Variants in MCCC1 observed in about 807,000 individuals in gnomAD.
MCCC1 encodes the protein methylcrotonoyl-CoA carboxylase subunit alpha, mitochondrial.
A neutral mutation model predicts 83.8 loss-of-function variants in MCCC1; 64 were observed. The ratio of observed to expected loss-of-function variants is 0.76; its 90% CI spans 0.62 to 0.94. MCCC1 has a LOEUF of 0.94. Ranked by LOEUF, MCCC1 falls within the 40% of genes least tolerant of loss-of-function variation. The pLI is 0.00. For synonymous variants in MCCC1, 322 were observed against 315.4 expected (o/e 1.02, Z -0.22); for missense variants, 807 against 904.7 (o/e 0.89, Z 1.39).
At chr3:183,097,448 A>G (rs1718824079) in intron 1 of MCCC1, among the ~76,000 whole-genome samples, 1 of 152,214 alleles carries the variant, frequency 6.6e-6, no homozygotes, top group Non-Finnish European at 1.5e-5. Flanking sequence ...GATGGAGTAC[A>G]GTGGTGTGAT....
rs376355395 is a variant in MCCC1 at position 183,052,583 on chromosome 3, C to T, written c.874-343G>A. ...CAGCACTTTGGGAGGCTGAGGCGGG[C>T]GGATCACAAGGTCAGGAGATTGAGA... On this transcript the variant is annotated intron_variant, in intron 8 of 18. Coordinates refer to ENST00000265594, the MANE Select transcript of MCCC1 (RefSeq NM_020166.5). Among the ~76,000 whole-genome samples the T allele has an allele frequency of 1.6e-4, 24 of 151,920 alleles. 1 individual carries two copies. The highest frequency in any genetic ancestry group is 1.2e-3 in the East Asian group (6 of 5,158).
chr3:183,092,643 A>G (rs1718451318), intron 2 of MCCC1, 98 bp from the exon 3 acceptor site: 2 of 1,507,648 alleles, frequency 1.3e-6, no homozygotes, highest in South Asian at 1.2e-5. Context: ...GACTCGACTG[A>G]TAAGTTCAAG....
At chr3:183,044,313 T>C (rs1379315289) in intron 10 of MCCC1, among the ~76,000 whole-genome samples, 1 of 152,206 alleles carries the variant, frequency 6.6e-6, no homozygotes, top group Non-Finnish European at 1.5e-5. Context: ...TAAGCTATTA[T>C]TAATATTTGA....
At chr3:183,060,096 C>A (rs1012972560) in intron 7 of MCCC1, among the ~76,000 whole-genome samples, 5 of 152,198 alleles carry the variant, frequency 3.3e-5, no homozygotes, top group Admixed American at 2.6e-4. Context: ...TTGTGGTATT[C>A]AAATAACGTG....
chr3:183,079,101 GGA>G (rs1717297656), intron 4 of MCCC1, among the ~76,000 whole-genome samples: 1 of 152,066 alleles, frequency 6.6e-6, no homozygotes, highest in Non-Finnish European at 1.5e-5. Context: ...ATTTGGGTGG[GGA>G]CACAGAACCA....
intron 2 of MCCC1, 31 bp from the exon 3 acceptor site, chr3:183,092,576 A>T: frequency 6.2e-7 from 1 of 1,613,718 alleles, no homozygotes; most frequent in Non-Finnish European, 8.5e-7. Flanking sequence ...ATCACACAGA[A>T]ATGTTACTGG....
At position 183,072,414 on chromosome 3, in the gene MCCC1, A is replaced by C; in HGVS notation, c.443T>G (p.Ile148Ser). The C allele has an allele frequency of 6.2e-7, 1 of 1,614,006 alleles. No individual in the cohort carries two copies. Among genetic ancestry groups the C allele is most frequent in the Middle Eastern group, 1.6e-4 (1 of 6,062 alleles). Residue 148 changes from isoleucine (I) to serine (S), a missense_variant, in exon 5 of 19, where the codon ATT (isoleucine) becomes AGT (serine). By Grantham distance (142) the Ile-to-Ser change is moderately radical (BLOSUM62 -2). Coordinates refer to ENST00000265594, the MANE Select transcript of MCCC1 (RefSeq NM_020166.5). ...FAELCKQEGI[I>S]FIGPPPSAIR... The stretch of plus-strand genomic sequence containing the variant: ...TGCAGATGGAGGAGGGCCTATAAAA[A>C]TAATTCCTTCTTGCTTACAAAGTTC...
upstream of MCCC1, among the ~76,000 whole-genome samples, chr3:183,102,896 C>T (rs1719340449): frequency 6.8e-6 from 1 of 146,424 alleles, no homozygotes; most frequent in South Asian, 2.2e-4. Flanking sequence ...AAATGATTCT[C>T]ATGGCTCAGC....
At chr3:183,035,486 A>C (rs946766906) in intron 13 of MCCC1, among the ~76,000 whole-genome samples, 13 of 150,590 alleles carry the variant, frequency 8.6e-5, no homozygotes, top group African/African-American at 2.7e-4. Flanking sequence ...TTGGGACCAG[A>C]AGTGTTTTGA....
At position 183,055,433 on chromosome 3, in the gene MCCC1, T is replaced by C. The variant is rs190535943; in HGVS notation, c.873+1878A>G. Among the ~76,000 whole-genome samples the C allele has an allele frequency of 1.3e-3, 194 of 151,862 alleles. 2 individuals carry two copies. Among genetic ancestry groups the C allele is most frequent in the Non-Finnish European group, 4.0e-4 (27 of 67,912 alleles). On this transcript the variant is annotated intron_variant, in intron 8 of 18. Transcript: ENST00000265594. ...TCAAAAAAAAAGGATAAAAAGCTAA[T>C]ATTATATACTTCATCAAAAACTGTC...
chr3:183,046,188 T>C (rs183093118), intron 9 of MCCC1, among the ~76,000 whole-genome samples: 3 of 152,328 alleles, frequency 2.0e-5, no homozygotes, highest in Admixed American at 1.3e-4. Context: ...GTTCCCTTGT[T>C]CCCATTTGGA....
intron 14 of MCCC1, among the ~76,000 whole-genome samples, chr3:183,031,830 T>A (rs986764271): frequency 6.0e-5 from 9 of 150,600 alleles, no homozygotes; most frequent in South Asian, 4.2e-4. Flanking sequence ...TTTTCCTTTT[T>A]AAAAATTTTT....
At position 183,015,570 on chromosome 3, in the gene MCCC1, CAG is replaced by C. The variant is rs780558586; in HGVS notation, c.2050-6_2050-5del. 4 of 1,614,054 alleles carry C rather than the reference CAG, an allele frequency of 2.5e-6. No individual in the cohort carries two copies. The highest frequency in any genetic ancestry group is 3.4e-6 in the Non-Finnish European group (4 of 1,179,978). ...CCTTTGGAGACTTTATGGTATGCTG[CAG>C]AGACACATGACAGGACAAATGATAG... On this transcript the variant is annotated splice_region_variant and splice_polypyrimidine_tract_variant and intron_variant, in intron 18 of 18. Coordinates refer to ENST00000265594, the MANE Select transcript of MCCC1 (RefSeq NM_020166.5).
intron 18 of MCCC1, among the ~76,000 whole-genome samples, chr3:183,015,794 AG>A (rs1265891972): frequency 1.2e-4 from 18 of 152,308 alleles, no homozygotes; most frequent in South Asian, 8.3e-4. Context: ...GGGACACAGC[AG>A]TAACCTTTCA....
In MCCC1 at chr3:183,057,355, TAC is replaced by T; in HGVS notation, c.827_828del (p.Cys276Ter). 3 of 1,610,804 alleles carry T rather than the reference TAC, an allele frequency of 1.9e-6. No individual in the cohort carries two copies. The highest frequency in any genetic ancestry group is 2.5e-6 in the Non-Finnish European group (3 of 1,178,258). Reference sequence around the variant, plus strand: ...ATCTTCTGATGTCGCCTCTGCACACTACAGTCTCTTTCAAACAAGTACACAGC... The same window carrying T: ...ATCTTCTGATGTCGCCTCTGCACACTAGTCTCTTTCAAACAAGTACACAGC... ...GNAVYLFERD[C>X]SVQRRHQKII... On this transcript the variant is annotated frameshift_variant, in exon 8 of 19. Coordinates refer to ENST00000265594, the MANE Select transcript of MCCC1 (RefSeq NM_020166.5). LOFTEE classifies it high-confidence loss of function.
At chr3:183,090,210 A>G (rs1041831739) in intron 3 of MCCC1, among the ~76,000 whole-genome samples, 2 of 152,174 alleles carry the variant, frequency 1.3e-5, no homozygotes, top group Non-Finnish European at 2.9e-5. Context: ...AGAAGAATTT[A>G]TTTCTAAAAG....
intron 8 of MCCC1, among the ~76,000 whole-genome samples, chr3:183,056,655 TC>T (rs1377463741): frequency 3.3e-5 from 5 of 152,230 alleles, no homozygotes; most frequent in African/African-American, 1.2e-4. Flanking sequence ...ATTAATCAGA[TC>T]ATTCCATTCC....
chr3:183,081,721 C>T (rs1244872510), intron 4 of MCCC1, among the ~76,000 whole-genome samples: 1 of 152,174 alleles, frequency 6.6e-6, no homozygotes, highest in Non-Finnish European at 1.5e-5. Context: ...GCTCATATGC[C>T]ACTATTGTCT....
intron 1 of MCCC1, among the ~76,000 whole-genome samples, chr3:183,095,716 C>T (rs1718689652): frequency 6.6e-6 from 1 of 152,230 alleles, no homozygotes; most frequent in African/African-American, 2.4e-5. Context: ...CACCCTTTAG[C>T]GGTGGTATCA....
Sources: allele counts gnomAD v4.1 joint callset (sites outside exome capture counted in the v4.1 genomes callset), GRCh38; gene constraint gnomAD v4.1.1; transcripts MANE v1.5; gene names NCBI Gene and HGNC (gene_info 2026-07-23, HGNC 2026-07-21).